Variants in ANTXR1 observed in about 807,000 individuals in gnomAD.
The protein encoded by ANTXR1 is anthrax toxin receptor 1.
ANTXR1 carries 19 observed loss-of-function variants against 78.1 expected under a neutral mutation model. The observed-to-expected ratio is 0.24, with a 90% CI of 0.17 to 0.36. The LOEUF (loss-of-function observed/expected upper bound fraction) is 0.36, where lower values mean the gene tolerates loss of function less well. Ranked by LOEUF, ANTXR1 falls within the 10% of genes least tolerant of loss-of-function variation. The pLI is 1.00. For synonymous variants in ANTXR1, 273 were observed against 260.5 expected (o/e 1.05, Z -0.46); for missense variants, 518 against 718.6 (o/e 0.72, Z 3.19).
intron 17 of ANTXR1, among the ~76,000 whole-genome samples, chr2:69,198,081 C>T (rs1057243774): frequency 2.0e-5 from 3 of 152,152 alleles, no homozygotes; most frequent in Admixed American, 1.3e-4. Flanking sequence ...AGTCAGTATC[C>T]TTATTGCCAA....
Position 69,154,243 on chromosome 2 carries a change from A to T in ANTXR1, c.1047+1979A>T, listed in dbSNP as rs79431139. Among the ~76,000 whole-genome samples the T allele has an allele frequency of 1.1e-3, 175 of 152,288 alleles. 1 individual carries two copies. Among genetic ancestry groups the T allele is most frequent in the Middle Eastern group, 0.01 (3 of 294 alleles). On this transcript the variant is annotated intron_variant, in intron 13 of 17. Coordinates refer to ENST00000303714, the MANE Select transcript of ANTXR1 (RefSeq NM_032208.3). ...TTTGGAAGGCAGCCAAAATGTCTTA[A>T]TGTGGTCTGACTTTGTAAGTCGTGA... is the stretch of plus-strand genomic sequence containing the variant.
chr2:69,116,039 T>C (rs984728723), intron 10 of ANTXR1, among the ~76,000 whole-genome samples: 5 of 152,246 alleles, frequency 3.3e-5, no homozygotes, highest in Non-Finnish European at 5.9e-5. Context: ...TCATTTCTCC[T>C]TGACTTCTCA....
intron 11 of ANTXR1, among the ~76,000 whole-genome samples, chr2:69,123,556 A>T (rs529545881): frequency 1.1e-4 from 17 of 152,356 alleles, no homozygotes; most frequent in African/African-American, 3.8e-4. Flanking sequence ...TGGCTGGTTC[A>T]TGGCGAGCCA....
chr2:69,036,604 T>A (rs1431431220), intron 1 of ANTXR1, among the ~76,000 whole-genome samples: 1 of 152,204 alleles, frequency 6.6e-6, no homozygotes, highest in Non-Finnish European at 1.5e-5. Context: ...AATCATTAGA[T>A]ATCTCACCCT....
chr2:69,044,880 C>A, intron 3 of ANTXR1, 67 bp downstream of exon 3: 1 of 1,487,650 alleles, frequency 6.7e-7, no homozygotes, highest in Non-Finnish European at 9.4e-7. Flanking sequence ...GAGATTTGTG[C>A]TCTGGTGCCA....
intron 17 of ANTXR1, among the ~76,000 whole-genome samples, chr2:69,226,407 T>G (rs1239790700): frequency 6.6e-6 from 1 of 151,998 alleles, no homozygotes; most frequent in East Asian, 1.9e-4. Flanking sequence ...TGGGGAAGGA[T>G]GTGGAGCAGG....
At chr2:69,228,142 C>T (rs970855770) in intron 17 of ANTXR1, among the ~76,000 whole-genome samples, 1 of 152,100 alleles carries the variant, frequency 6.6e-6, no homozygotes, top group Non-Finnish European at 1.5e-5. Flanking sequence ...GAGGTTTGTC[C>T]CTTAGAAAGC....
At chr2:69,088,822 T>A (rs1671136878) in intron 8 of ANTXR1, among the ~76,000 whole-genome samples, 1 of 152,090 alleles carries the variant, frequency 6.6e-6, no homozygotes, top group Admixed American at 6.5e-5. Context: ...ATCCTTGGGG[T>A]CCTTGTTCCC....
intron 2 of ANTXR1, 127 bp from the exon 3 acceptor site, chr2:69,044,615 C>A (rs778174705): frequency 1.7e-4 from 161 of 966,970 alleles, no homozygotes; most frequent in Admixed American, 3.2e-4. Context: ...CCTAGGAGGC[C>A]CCCTGTGGGT....
At chr2:69,032,862 A>G (rs1024442419) in intron 1 of ANTXR1, among the ~76,000 whole-genome samples, 5 of 152,210 alleles carry the variant, frequency 3.3e-5, no homozygotes, top group African/African-American at 1.2e-4. Context: ...CAAGAAAAAT[A>G]CATTTTATAT....
intron 17 of ANTXR1, among the ~76,000 whole-genome samples, chr2:69,234,580 C>T (rs1675704682): frequency 6.6e-6 from 1 of 151,998 alleles, no homozygotes; most frequent in African/African-American, 2.4e-5. Context: ...ACCAGCCTGA[C>T]CAACGTGGTG....
At chr2:69,148,927 T>C (rs931583963) in intron 12 of ANTXR1, among the ~76,000 whole-genome samples, 1 of 152,174 alleles carries the variant, frequency 6.6e-6, no homozygotes. Context: ...TTCTGCTCAA[T>C]GGGGAAATAA....
chr2:69,038,655 TA>T (rs34550893), intron 1 of ANTXR1, among the ~76,000 whole-genome samples: 1 of 152,258 alleles, frequency 6.6e-6, no homozygotes, highest in Non-Finnish European at 1.5e-5. Context: ...GGTGGATTTA[TA>T]ATTTTTTTCT....
intron 12 of ANTXR1, chr2:69,145,202 G>T (rs11680110): frequency 3.2e-6 from 3 of 929,392 alleles, no homozygotes; most frequent in Non-Finnish European, 5.0e-6. Context: ...GCAGAGTTAC[G>T]GGGGGCTGAT....
chr2:69,090,748 A>T, intron 8 of ANTXR1, 111 bp from the exon 9 acceptor site: 1 of 1,088,358 alleles, frequency 9.2e-7, no homozygotes, highest in Non-Finnish European at 1.4e-6. Context: ...CACCGCAACC[A>T]AATGTCCTTG....
At chr2:69,231,738 AC>A (rs1308968642) in intron 17 of ANTXR1, among the ~76,000 whole-genome samples, 2 of 152,038 alleles carry the variant, frequency 1.3e-5, no homozygotes, top group African/African-American at 2.4e-5. Context: ...CCTTCATTGT[AC>A]CTCAACAGGC....
rs1354938840 is a variant in ANTXR1 at position 69,246,700 on chromosome 2, C to T, written c.*1215C>T. On this transcript the variant is annotated 3_prime_UTR_variant, in exon 18 of 18. Transcript: ENST00000303714. ...ACAGAAATGCTCTGCCTGAAATTTC[C>T]ACCATGCCTAGGACTCACCCCATTT... 1 of 152,186 alleles carries T rather than the reference C, an allele frequency of 6.6e-6. No individual in the cohort carries two copies. Among genetic ancestry groups the T allele is most frequent in the Non-Finnish European group, 1.5e-5 (1 of 68,046 alleles). The allele number at this position is 152,186 out of a possible 1,614,324, so 9.4% of individuals were successfully genotyped here.
chr2:69,237,611 G>A (rs770398159), intron 17 of ANTXR1, among the ~76,000 whole-genome samples: 3 of 152,026 alleles, frequency 2.0e-5, no homozygotes, highest in Non-Finnish European at 4.4e-5. Context: ...TTGTAGATAC[G>A]GGGTCTCACT....
intron 17 of ANTXR1, among the ~76,000 whole-genome samples, chr2:69,237,204 T>C (rs1675786158): frequency 6.6e-6 from 1 of 152,254 alleles, no homozygotes; most frequent in South Asian, 2.1e-4. Flanking sequence ...CCCTCAGTTC[T>C]GGCATCCAAA....
Sources: allele counts gnomAD v4.1 joint callset (sites outside exome capture counted in the v4.1 genomes callset), GRCh38; gene constraint gnomAD v4.1.1; transcripts MANE v1.5; gene names NCBI Gene and HGNC (gene_info 2026-07-23, HGNC 2026-07-21).